CALN1: variants seen among roughly 807,000 people sequenced by gnomAD.
The protein encoded by CALN1 is calneuron 1.
CALN1 carries 17 observed loss-of-function variants against 30.6 expected under a neutral mutation model. The observed-to-expected ratio is 0.56, with a 90% CI of 0.38 to 0.83. The LOEUF is 0.83. Among genes scored for constraint, CALN1 ranks in the 40% least tolerant of loss-of-function variants. The pLI, the probability that CALN1 is intolerant of heterozygous loss-of-function variation, is 0.00. For missense variants in CALN1, 291 were observed against 354.9 expected (o/e 0.82, Z 1.45); for synonymous variants, 156 against 131.4 (o/e 1.19, Z -1.28).
intron 5 of CALN1, among the ~76,000 whole-genome samples, chr7:71,860,194 ATTT>A (rs112576017): frequency 2.2e-5 from 3 of 137,306 alleles, no homozygotes; most frequent in Admixed American, 7.3e-5. Flanking sequence ...CTTTATTTTC[ATTT>A]TTTTTTTTTT....
chr7:72,499,844 T>C, the CALN1 span, among the ~76,000 whole-genome samples: 4 of 27,648 alleles, frequency 1.4e-4, no homozygotes, highest in Non-Finnish European at 1.9e-4. Flanking sequence ...TTTCTTTCTT[T>C]CTTTCTTTCT....
At chr7:72,403,185 G>A (rs923956605) in intron 2 of CALN1, 66 bp downstream of exon 2, 84 of 1,308,922 alleles carry the variant, frequency 6.4e-5, no homozygotes, top group Admixed American at 2.6e-4. Context: ...CCTGGACCCC[G>A]CGCCACCCCC....
chr7:71,970,140 C>T (rs756153023), intron 5 of CALN1, among the ~76,000 whole-genome samples: 4 of 152,162 alleles, frequency 2.6e-5, no homozygotes, highest in East Asian at 1.9e-4. Flanking sequence ...TGAGCCACCA[C>T]GCCCGGCCCA....
chr7:72,026,099 T>G (rs1474627659), intron 4 of CALN1, among the ~76,000 whole-genome samples: 1 of 152,144 alleles, frequency 6.6e-6, no homozygotes, highest in African/African-American at 2.4e-5. Flanking sequence ...GAAAGCTAAT[T>G]CAAGCAACGA....
At chr7:71,883,573 C>T (rs1792713928) in intron 5 of CALN1, among the ~76,000 whole-genome samples, 1 of 152,104 alleles carries the variant, frequency 6.6e-6, no homozygotes, top group South Asian at 2.1e-4. Context: ...AGGAGAAGGG[C>T]AACTCCACCT....
At chr7:72,164,345 C>CCGT (rs1788357141) in intron 3 of CALN1, among the ~76,000 whole-genome samples, 3 of 96,356 alleles carry the variant, frequency 3.1e-5, no homozygotes, top group Non-Finnish European at 5.9e-5. Context: ...GAGCAACACT[C>CCGT]CGTCAAAAAA....
At chr7:71,840,744 A>G (rs565131149) in intron 5 of CALN1, among the ~76,000 whole-genome samples, 1 of 152,146 alleles carries the variant, frequency 6.6e-6, no homozygotes, top group Non-Finnish European at 1.5e-5. Context: ...GCTGAAATGA[A>G]GCAGCACTTA....
At chr7:72,229,058 C>A (rs541756934) in intron 3 of CALN1, among the ~76,000 whole-genome samples, 1 of 151,470 alleles carries the variant, frequency 6.6e-6, no homozygotes, top group African/African-American at 2.4e-5. Context: ...GGCCACCACA[C>A]CCAGCCCATT....
At chr7:72,230,612 A>G (rs1794030088) in intron 3 of CALN1, among the ~76,000 whole-genome samples, 1 of 152,104 alleles carries the variant, frequency 6.6e-6, no homozygotes, top group Non-Finnish European at 1.5e-5. Flanking sequence ...ATATGAGCTA[A>G]GGAATGCAGG....
Position 72,266,703 on chromosome 7 carries a change from T to TA in CALN1, c.244+11982dup, listed in dbSNP as rs535992302. ...GCATGAAGCTGGCAGGGAAGGTAGGTACTCGGGTTTCTTTCTTGGCCACAG... is the reference window on the plus strand; with the variant it reads ...GCATGAAGCTGGCAGGGAAGGTAGGTAACTCGGGTTTCTTTCTTGGCCACAG... On this transcript the variant is annotated intron_variant, in intron 3 of 6. Transcript: ENST00000395275. Among the ~76,000 whole-genome samples the TA allele has an allele frequency of 3.6e-4, 55 of 152,272 alleles. No homozygotes were observed. The East Asian group carries it at 7.3e-3, about 20-fold the overall frequency.
intron 4 of CALN1, among the ~76,000 whole-genome samples, chr7:72,048,703 CTTCT>C (rs143908199): frequency 1.3e-3 from 193 of 150,724 alleles, no homozygotes; most frequent in African/African-American, 4.7e-3. Flanking sequence ...TTCTTCCTCC[CTTCT>C]TTCCTTTTTC....
chr7:71,977,408 C>T (rs34675690), intron 5 of CALN1, among the ~76,000 whole-genome samples: 2 of 152,150 alleles, frequency 1.3e-5, no homozygotes, highest in Non-Finnish European at 2.9e-5. Context: ...GCACTCCAGT[C>T]TGGGCAACAC....
chr7:72,163,082 A>G (rs1255244851), intron 3 of CALN1, among the ~76,000 whole-genome samples: 1 of 152,200 alleles, frequency 6.6e-6, no homozygotes, highest in Non-Finnish European at 1.5e-5. Flanking sequence ...CTGGAGAGAC[A>G]GAGTTTGGGG....
At chr7:72,212,284 G>A (rs951345799) in intron 3 of CALN1, among the ~76,000 whole-genome samples, 1 of 149,668 alleles carries the variant, frequency 6.7e-6, no homozygotes, top group Non-Finnish European at 1.5e-5. Flanking sequence ...ACGAGGTGGA[G>A]GACTGCAGTG....
intron 5 of CALN1, among the ~76,000 whole-genome samples, chr7:71,911,476 C>T (rs1794421306): frequency 6.6e-6 from 1 of 152,018 alleles, no homozygotes; most frequent in Admixed American, 6.6e-5. Context: ...CCTTTATTTG[C>T]CCGTCAGCTT....
chr7:71,953,103 C>T (rs893016439), intron 5 of CALN1, among the ~76,000 whole-genome samples: 14 of 151,998 alleles, frequency 9.2e-5, no homozygotes, highest in African/African-American at 2.7e-4. Flanking sequence ...ACTACAGGCA[C>T]GCACCACTAC....
chr7:72,039,487 A>G (rs1239863323), intron 4 of CALN1, among the ~76,000 whole-genome samples: 1 of 152,230 alleles, frequency 6.6e-6, no homozygotes, highest in Non-Finnish European at 1.5e-5. Context: ...TTAGATAATA[A>G]AAGATTCCGT....
intron 2 of CALN1, among the ~76,000 whole-genome samples, chr7:72,334,222 T>A (rs1280648946): frequency 6.6e-6 from 1 of 152,156 alleles, no homozygotes; most frequent in African/African-American, 2.4e-5. Flanking sequence ...AGTCTATCAA[T>A]TGGAATTTCT....
intron 3 of CALN1, among the ~76,000 whole-genome samples, chr7:72,141,297 A>G (rs983140936): frequency 1.4e-5 from 2 of 144,480 alleles, no homozygotes; most frequent in Non-Finnish European, 2.9e-5. Context: ...GTCTTAAAAA[A>G]AGAAAAGAAA....
Sources: gnomAD v4.1 joint callset for allele counts (sites outside exome capture counted in the v4.1 genomes callset) on GRCh38, gnomAD v4.1.1 for gene constraint, MANE v1.5 for transcripts, NCBI Gene and HGNC (gene_info 2026-07-23, HGNC 2026-07-21) for gene names.